The following TRABD2A variants were observed in gnomAD, a reference collection of about 807,000 sequenced individuals.
TRABD2A encodes metalloprotease TIKI1.
A neutral mutation model predicts 45.6 loss-of-function variants in TRABD2A; 43 were observed. That is an observed-to-expected ratio of 0.94 (90% CI 0.74 to 1.22). The LOEUF is 1.22. Ranked by LOEUF, TRABD2A falls within the 50% of genes most tolerant of loss-of-function variation. The pLI is 0.00. For missense variants in TRABD2A, 642 were observed against 652.4 expected (o/e 0.98, Z 0.17); for synonymous variants, 269 against 265.0 (o/e 1.02, Z -0.15).
intron 2 of TRABD2A, among the ~76,000 whole-genome samples, chr2:84,859,966 A>G (rs1021424668): frequency 6.6e-6 from 1 of 151,674 alleles, no homozygotes; most frequent in African/African-American, 2.4e-5. Context: ...GGGTCTCACT[A>G]TGTTGTCCAG....
At chr2:84,845,657 A>C (rs991373644) in intron 2 of TRABD2A, among the ~76,000 whole-genome samples, 1 of 152,340 alleles carries the variant, frequency 6.6e-6, no homozygotes, top group South Asian at 2.1e-4. Flanking sequence ...CTGAACATCA[A>C]GAATGGAAGG....
At chr2:84,860,330 C>T (rs1158046685) in intron 2 of TRABD2A, among the ~76,000 whole-genome samples, 14 of 152,034 alleles carry the variant, frequency 9.2e-5, no homozygotes, top group Non-Finnish European at 4.4e-5. Flanking sequence ...GTGAAAAGGG[C>T]GGGCCATAAT....
intron 4 of TRABD2A, 32 bp from the exon 5 acceptor site, chr2:84,832,177 A>G: frequency 6.2e-7 from 1 of 1,606,862 alleles, no homozygotes; most frequent in South Asian, 1.1e-5. Flanking sequence ...GAAATGCTGC[A>G]GCTCTCAGGA....
chr2:84,829,783 C>G (rs1360587881), intron 5 of TRABD2A, among the ~76,000 whole-genome samples: 1 of 151,336 alleles, frequency 6.6e-6, no homozygotes, highest in East Asian at 1.9e-4. Flanking sequence ...CTACACCACA[C>G]ACACCCCACA....
chr2:84,857,639 A>G (rs1040166679), intron 2 of TRABD2A, among the ~76,000 whole-genome samples: 10 of 152,200 alleles, frequency 6.6e-5, no homozygotes, highest in Non-Finnish European at 1.2e-4. Context: ...AACAAACTAC[A>G]TGACAATCAC....
At chr2:84,849,158 G>A (rs1264917754) in intron 2 of TRABD2A, among the ~76,000 whole-genome samples, 7 of 152,022 alleles carry the variant, frequency 4.6e-5, no homozygotes, top group African/African-American at 1.7e-4. Flanking sequence ...ACCCAAAGCC[G>A]TCCTGAGACC....
chr2:84,870,228 T>G lies in TRABD2A; in HGVS notation c.666A>C (p.Ser222=). The G allele has an allele frequency of 6.2e-7, 1 of 1,606,338 alleles. No homozygotes were observed. The highest frequency in any genetic ancestry group is 2.2e-5 in the East Asian group (1 of 44,688). Reference sequence around the variant, plus strand: ...TTTTATGCAAAGAGAGTCTTACCTGTGAAAAGTTCAACCCATTCAATGGAT... The same window carrying G: ...TTTTATGCAAAGAGAGTCTTACCTGGGAAAAGTTCAACCCATTCAATGGAT... The part of the protein sequence containing the change: ...QCHPLNGLNF[S]QVIFALNQTL... Residue 222 remains serine, a synonymous_variant, in exon 2 of 7, where the codon TCA becomes TCC. Coordinates refer to ENST00000409520, the MANE Select transcript of TRABD2A (RefSeq NM_001277053.2).
chr2:84,858,658 G>C (rs948512622), intron 2 of TRABD2A, among the ~76,000 whole-genome samples: 1 of 152,128 alleles, frequency 6.6e-6, no homozygotes, highest in Non-Finnish European at 1.5e-5. Flanking sequence ...CAAGGGCCTC[G>C]GGGCAGCCTT....
chr2:84,826,788 T>C (rs1681161715), intron 5 of TRABD2A, among the ~76,000 whole-genome samples: 1 of 152,234 alleles, frequency 6.6e-6, no homozygotes, highest in African/African-American at 2.4e-5. Flanking sequence ...CACCTTGGCC[T>C]CCCAAAGTGC....
chr2:84,831,442 G>A (rs1056874390), intron 5 of TRABD2A, among the ~76,000 whole-genome samples: 5 of 152,110 alleles, frequency 3.3e-5, no homozygotes, highest in African/African-American at 1.2e-4. Flanking sequence ...CCAGTTGGGA[G>A]GCCAGTGGGT....
At chr2:84,827,866 T>G (rs1681195861) in intron 5 of TRABD2A, among the ~76,000 whole-genome samples, 1 of 152,200 alleles carries the variant, frequency 6.6e-6, no homozygotes, top group South Asian at 2.1e-4. Context: ...GGGCAGCCTC[T>G]AGAAGCTGGG....
intron 4 of TRABD2A, chr2:84,836,412 G>A (rs549941345): frequency 6.6e-6 from 1 of 152,236 alleles, no homozygotes; most frequent in Non-Finnish European, 1.5e-5. Flanking sequence ...TGAGAAATCT[G>A]CTGTTAATCC....
chr2:84,839,512 A>G (rs1681638254), intron 3 of TRABD2A, among the ~76,000 whole-genome samples, 189 bp from the exon 4 acceptor site: 1 of 152,118 alleles, frequency 6.6e-6, no homozygotes, highest in Admixed American at 6.5e-5. Context: ...AAGTGAAAAA[A>G]ATATTAAGTG....
At chr2:84,848,501 T>C (rs1312532017) in intron 2 of TRABD2A, among the ~76,000 whole-genome samples, 1 of 148,424 alleles carries the variant, frequency 6.7e-6, no homozygotes, top group Admixed American at 6.8e-5. Flanking sequence ...CATGAACAAA[T>C]ACTGAAAATA....
At position 84,870,270 on chromosome 2, in the gene TRABD2A, C is replaced by A. The variant is rs777292838; in HGVS notation, c.624G>T (p.Lys208Asn). The change falls in exon 2 of 7, where the codon AAG becomes AAT. Residue 208 changes from lysine (K) to asparagine (N), a missense_variant. Coordinates refer to ENST00000409520, the MANE Select transcript of TRABD2A (RefSeq NM_001277053.2). ...TCAATGGATGGCACTGCTCTTCCAC[C>A]TTTTCCACTGCCCCAGTCTGTTTCC... ...RLRKQTGAVE[K>N]VEEQCHPLNG... 15 of 1,613,782 alleles carry A rather than the reference C, an allele frequency of 9.3e-6. No homozygotes were observed. The African/African-American group carries it at 1.6e-4, about 17-fold the overall frequency.
chr2:84,871,937 C>A (rs897728657), intron 1 of TRABD2A, among the ~76,000 whole-genome samples: 5 of 152,198 alleles, frequency 3.3e-5, no homozygotes, highest in African/African-American at 1.2e-4. Context: ...CAGTTTCAAT[C>A]ACAGAGATCT....
chr2:84,860,036 A>G (rs1196167245), intron 2 of TRABD2A, among the ~76,000 whole-genome samples: 12 of 152,084 alleles, frequency 7.9e-5, no homozygotes. Context: ...GCCACAATGC[A>G]AGCACCTGCC....
chr2:84,830,219 A>G lies in TRABD2A; in HGVS notation c.1082+1836T>C, dbSNP rs1358690933. Among the ~76,000 whole-genome samples the G allele has an allele frequency of 6.6e-6, 1 of 152,184 alleles. No homozygotes were observed. Among genetic ancestry groups the G allele is most frequent in the Admixed American group, 6.5e-5 (1 of 15,282 alleles). ...GGCTCCTCCAGACCTGCAGGAGAAC[A>G]GGAAGGAGAGAGGCAGGAGACGTGA... On this transcript the variant is annotated intron_variant, in intron 5 of 6. Transcript: ENST00000409520. The surrounding 1 kb of genome is among the most constrained non-coding windows in gnomAD (Gnocchi z 4.9).
rs773927512 is a variant in TRABD2A at position 84,863,239 on chromosome 2, C to CTTTTTTTTTTTTTTTTTTTTTT, written c.669+6964_669+6985dup. Among the ~76,000 whole-genome samples, 63 of 98,128 alleles carry CTTTTTTTTTTTTTTTTTTTTTT rather than the reference C, an allele frequency of 6.4e-4. 5 individuals are homozygous for CTTTTTTTTTTTTTTTTTTTTTT. The highest frequency in any genetic ancestry group is 1.4e-3 in the African/African-American group (31 of 22,660). 64.4% of individuals were successfully genotyped at this position (98,128 alleles called of 152,430 possible). ...CCAAAAGGTTAGACTTCATGTGAAT[C>CTTTTTTTTTTTTTTTTTTTTTT]TTTTTTTTTTTTTTTTTTTTTTTGA... On this transcript the variant is annotated intron_variant, in intron 2 of 6. Transcript: ENST00000409520.
Sources: gnomAD v4.1 joint callset for allele counts (sites outside exome capture counted in the v4.1 genomes callset) on GRCh38, gnomAD v4.1.1 for gene constraint, Gnocchi (gnomAD v3.1) non-coding constraint, MANE v1.5 for transcripts, NCBI Gene and HGNC (gene_info 2026-07-23, HGNC 2026-07-21) for gene names.